The following FCAR variants were observed in gnomAD, a reference collection of about 807,000 sequenced individuals.
The protein encoded by FCAR is immunoglobulin alpha Fc receptor.
FCAR carries 21 observed loss-of-function variants against 27.1 expected under a neutral mutation model. That is an observed-to-expected ratio of 0.77 (90% confidence interval 0.55 to 1.11). FCAR has a LOEUF of 1.11. Ranked by LOEUF, FCAR falls within the 50% of genes most tolerant of loss-of-function variation. The pLI, the probability that FCAR is intolerant of heterozygous loss-of-function variation, is 0.00. For missense variants in FCAR, 404 were observed against 358.4 expected, an observed-to-expected ratio of 1.13 and a Z score of -1.03; for synonymous variants, 134 against 135.8, an observed-to-expected ratio of 0.99 and a Z score of 0.09.
rs1337732946 is a variant in FCAR at position 54,878,905 on chromosome 19, G to A, written c.70+3540G>A. Among the ~76,000 whole-genome samples, 13 of 122,020 alleles carry A rather than the reference G, an allele frequency of 1.1e-4. 1 individual carries two copies. Among genetic ancestry groups the A allele is most frequent in the Admixed American group, 8.9e-4 (9 of 10,106 alleles). 80.0% of individuals were successfully genotyped at this position (122,020 alleles called of 152,430 possible). On this transcript the variant is annotated intron_variant, in intron 2 of 4. Transcript: ENST00000355524. ...TTTTTTTTTTTTTTTTTGAGATGGA[G>A]TCTCACTCTGTCACCCAGGCTGGAG...
At chr19:54,875,397 T>G in intron 2 of FCAR, 32 bp downstream of exon 2, 1 of 1,595,910 alleles carries the variant, frequency 6.3e-7, no homozygotes, top group African/African-American at 1.3e-5. Context: ...CCCAGCCCCT[T>G]TAGACCCTCT....
intron 1 of FCAR, 61 bp downstream of exon 1, chr19:54,874,384 G>T: frequency 6.5e-7 from 1 of 1,535,480 alleles, no homozygotes; most frequent in South Asian, 1.1e-5. Flanking sequence ...AATAATCAGG[G>T]TGTCTCTTAA....
intron 3 of FCAR, among the ~76,000 whole-genome samples, chr19:54,886,297 CTTTATTTTTTTTTTT>C: frequency 1.2e-5 from 1 of 80,088 alleles, no homozygotes; most frequent in Non-Finnish European, 2.2e-5. Flanking sequence ...TGTCATGTAT[CTTTATTTTTTTTTTT>C]TTTTTTTTTT....
At position 54,885,493 on chromosome 19, in the gene FCAR, G is replaced by A. The variant is rs771484287; in HGVS notation, c.329G>A (p.Arg110Gln). The A allele has an allele frequency of 5.9e-5, 95 of 1,613,414 alleles. No individual in the cohort carries two copies. Among genetic ancestry groups the A allele is most frequent in the Non-Finnish European group, 7.2e-5 (85 of 1,179,376 alleles). Residue 110 changes from arginine (R) to glutamine (Q), a missense_variant, in exon 3 of 5, where the codon CGG becomes CAG. Physicochemically the swap from Arg to Gln is conservative, Grantham distance 43 (BLOSUM62 1). Transcript: ENST00000355524. ...TATAGGATAGGGCACTACAGGTTCCGGTACAGTGACACCCTGGAGCTGGTA... is the reference window on the plus strand; with the variant it reads ...TATAGGATAGGGCACTACAGGTTCCAGTACAGTGACACCCTGGAGCTGGTA... ...CQYRIGHYRF[R>Q]YSDTLELVVT...
intron 2 of FCAR, among the ~76,000 whole-genome samples, chr19:54,881,163 C>A (rs2066386772): frequency 6.6e-6 from 1 of 152,140 alleles, no homozygotes; most frequent in African/African-American, 2.4e-5. Flanking sequence ...GATGTGGAGC[C>A]ACTATCAGTG....
At chr19:54,888,508 T>C (rs1437650572) in intron 4 of FCAR, 10 of 1,408,194 alleles carry the variant, frequency 7.1e-6, no homozygotes, top group South Asian at 3.3e-5. Flanking sequence ...ACTTAGTCTG[T>C]GGAGAACAGA....
At chr19:54,881,933 T>TA (rs2066446956) in intron 2 of FCAR, among the ~76,000 whole-genome samples, 135 of 9,794 alleles carry the variant, frequency 0.014, 3 homozygotes, top group African/African-American at 0.036. Flanking sequence ...ATAAATAAAT[T>TA]GAAGCATGAA....
chr19:54,885,414 G>C lies in FCAR; in HGVS notation c.250G>C (p.Glu84Gln). ...RLKFWNETDP[E>Q]FVIDHMDANK... is the part of the protein sequence containing the mutation. Reference sequence around the variant, plus strand: ...GAAGTTTTGGAATGAGACTGATCCTGAGTTCGTCATTGACCACATGGACGC... The same window carrying C: ...GAAGTTTTGGAATGAGACTGATCCTCAGTTCGTCATTGACCACATGGACGC... Residue 84 changes from glutamate (E) to glutamine (Q), a missense_variant, in exon 3 of 5, where the codon GAG (glutamate) becomes CAG (glutamine). Coordinates refer to ENST00000355524, the MANE Select transcript of FCAR (RefSeq NM_002000.4). 1 of 1,614,100 alleles carries C rather than the reference G, an allele frequency of 6.2e-7. No homozygotes were observed. The highest frequency in any genetic ancestry group is 8.5e-7 in the Non-Finnish European group (1 of 1,180,006).
rs1472617358 is a variant in FCAR at position 54,889,699 on chromosome 19, G to A, written c.700G>A (p.Ala234Thr). 6.2e-7 allele frequency: 1 copy of A among 1,614,126 alleles called. No homozygotes were observed. Among genetic ancestry groups the A allele is most frequent in the East Asian group, 2.2e-5 (1 of 44,876 alleles). ...GCAGAACTTGATCCGCATGGCCGTG[G>A]CAGGACTGGTCCTCGTGGCTCTCTT... The part of the protein sequence containing the change: ...TTQNLIRMAV[A>T]GLVLVALLAI... Residue 234 changes from alanine to threonine, a missense_variant, in exon 5 of 5, where the codon GCA (alanine) becomes ACA (threonine). Ala to Thr is a moderately conservative substitution (Grantham distance 58). Coordinates refer to ENST00000355524, the MANE Select transcript of FCAR (RefSeq NM_002000.4).
At position 54,874,399 on chromosome 19, in the gene FCAR, G is replaced by T. The variant is rs981097190; in HGVS notation, c.34+76G>T. 2.8e-6 allele frequency: 4 copies of T among 1,428,490 alleles called. No homozygotes were observed. In the African/African-American group the frequency reaches 4.2e-5, roughly 15 times the overall value. 88.5% of individuals were successfully genotyped at this position (1,428,490 alleles called of 1,614,324 possible). A position where few individuals can be genotyped will look rare whatever the true frequency, so the allele number is the denominator to read the frequency against. On this transcript the variant is annotated intron_variant, in intron 1 of 4. Transcript: ENST00000355524. ...AATAATCAGGGTGTCTCTTAACAGT[G>T]TGACTAGGAGATTTTAGTGGCTGCC... is the stretch of plus-strand genomic sequence containing the variant.
chr19:54,874,439 C>A, intron 1 of FCAR, 116 bp downstream of exon 1: 2 of 1,022,286 alleles, frequency 2.0e-6, no homozygotes, highest in Non-Finnish European at 3.0e-6. Context: ...AGATTCTGAT[C>A]TCCTTAGTGG....
In FCAR at chr19:54,890,091, T is replaced by A; in HGVS notation, c.*228T>A. 1 of 580,566 alleles carries A rather than the reference T, an allele frequency of 1.7e-6. No individual in the cohort carries two copies. The highest frequency in any genetic ancestry group is 3.1e-6 in the Non-Finnish European group (1 of 325,936). 36.0% of individuals were successfully genotyped at this position (580,566 alleles called of 1,614,324 possible). On this transcript the variant is annotated 3_prime_UTR_variant, in exon 5 of 5. Transcript: ENST00000355524. ...GCCTCAGCCTCCCAAGTAGCTGGAA[T>A]TACAGGCACATACCACTGCACCCAG...
intron 2 of FCAR, among the ~76,000 whole-genome samples, chr19:54,884,811 T>C (rs1406664057): frequency 1.4e-5 from 2 of 139,532 alleles, no homozygotes. Context: ...TTTAATTTTT[T>C]TGTTGTTGTT....
At chr19:54,884,603 G>A (rs1269512788) in intron 2 of FCAR, among the ~76,000 whole-genome samples, 1 of 151,462 alleles carries the variant, frequency 6.6e-6, no homozygotes, top group Non-Finnish European at 1.5e-5. Context: ...CAGCCTGGGC[G>A]ACAAAACAAG....
chr19:54,874,304 G>A lies in FCAR; in HGVS notation c.15G>A (p.Gln5=). MDPK[Q]TTLLCLVLCL... ...GTGTCAGCACGATGGACCCCAAACA[G>A]ACCACCCTCCTGTGTCTTGGTGAGT... Residue 5 remains glutamine, a synonymous_variant, in exon 1 of 5, where the codon CAG becomes CAA. Coordinates refer to ENST00000355524, the MANE Select transcript of FCAR (RefSeq NM_002000.4). 6.2e-7 allele frequency: 1 copy of A among 1,614,196 alleles called. No homozygotes were observed. The highest frequency in any genetic ancestry group is 8.5e-7 in the Non-Finnish European group (1 of 1,180,028).
intron 1 of FCAR, among the ~76,000 whole-genome samples, chr19:54,875,020 A>C (rs889366620): frequency 2.0e-5 from 3 of 152,106 alleles, no homozygotes; most frequent in Admixed American, 2.0e-4. Context: ...AATACAAAAA[A>C]ATTAGCCAGG....
chr19:54,878,185 G>A (rs2066207214), intron 2 of FCAR, among the ~76,000 whole-genome samples: 1 of 152,306 alleles, frequency 6.6e-6, no homozygotes, highest in Middle Eastern at 3.4e-3. Flanking sequence ...CCAAAGTGCT[G>A]GGATTACAGG....
rs137866043 is a variant in FCAR, at chr19:54,885,907, T to A, written c.361+382T>A. Among the ~76,000 whole-genome samples, 1,330 of 151,774 alleles carry A rather than the reference T, an allele frequency of 8.8e-3. 46 individuals carry two copies. The highest frequency in any genetic ancestry group is 0.069 in the Admixed American group (1,048 of 15,248). On this transcript the variant is annotated intron_variant, in intron 3 of 4. Transcript: ENST00000355524. ...CGGGTGGATCACCCAAGGTCAGGAG[T>A]TCGAGACCAGCCTGGCCAACATGGT...
At chr19:54,886,297 C>CTTTTTTTTTTTTTTT (rs2066718728) in intron 3 of FCAR, among the ~76,000 whole-genome samples, 2 of 80,088 alleles carry the variant, frequency 2.5e-5, no homozygotes, top group Non-Finnish European at 2.2e-5. Flanking sequence ...TGTCATGTAT[C>CTTTTTTTTTTTTTTT]TTTATTTTTT....
Sources: gnomAD v4.1 joint callset for allele counts (sites outside exome capture counted in the v4.1 genomes callset) on GRCh38, gnomAD v4.1.1 for gene constraint, MANE v1.5 for transcripts, NCBI Gene and HGNC (gene_info 2026-07-23, HGNC 2026-07-21) for gene names.